The following XYLT1 variants were observed in gnomAD, a reference collection of about 807,000 sequenced individuals.
XYLT1 encodes the protein xylosyltransferase 1, also known as beta-D-xylosyltransferase 1.
XYLT1 carries 36 observed loss-of-function variants against 91.3 expected under a neutral mutation model. The ratio of observed to expected loss-of-function variants is 0.39; its 90% CI spans 0.30 to 0.52. The LOEUF is 0.52. Ranked by LOEUF, XYLT1 falls within the 20% of genes least tolerant of loss-of-function variation. The pLI, the probability that XYLT1 is intolerant of heterozygous loss-of-function variation, is 0.68. For synonymous variants in XYLT1, 588 were observed against 532.0 expected, an observed-to-expected ratio of 1.11 and a Z score of -1.45; for missense variants, 1,242 against 1,284.5, an observed-to-expected ratio of 0.97 and a Z score of 0.51.
intron 6 of XYLT1, among the ~76,000 whole-genome samples, chr16:17,154,090 G>GA (rs35759844): frequency 0.49 from 74,795 of 151,980 alleles, 19,349 homozygotes; most frequent in Non-Finnish European, 0.56. Context: ...GGTGAAATGA[G>GA]AAAATGTCCT....
chr16:17,303,909 G>A (rs1336919784), intron 2 of XYLT1, among the ~76,000 whole-genome samples: 1 of 151,986 alleles, frequency 6.6e-6, no homozygotes, highest in African/African-American at 2.4e-5. Flanking sequence ...TTATTAATTT[G>A]TATTTGTTAA....
rs567042547 is a variant in XYLT1 at position 17,414,809 on chromosome 16, G to A, written c.363+55625C>T. On this transcript the variant is annotated intron_variant, in intron 1 of 11. Transcript: ENST00000261381. The stretch of plus-strand genomic sequence containing the variant: ...CAGCCCCTCACCACCCTCAACTGCC[G>A]TTTGCTCAGTTATGGAACGGGGACC... 2.1e-4 allele frequency among the ~76,000 whole-genome samples: 32 copies of A among 152,180 alleles called. No homozygotes were observed. The South Asian group carries it at 5.6e-3, about 27-fold the overall frequency.
intron 3 of XYLT1, 28 bp downstream of exon 3, chr16:17,258,958 CCT>C (rs757201352): frequency 6.8e-7 from 1 of 1,480,980 alleles, no homozygotes; most frequent in Admixed American, 2.4e-5. Context: ...CCAGGAGATC[CCT>C]CTCTGAGCCA....
chr16:17,337,691 C>T (rs2035001257), intron 2 of XYLT1, among the ~76,000 whole-genome samples: 1 of 151,964 alleles, frequency 6.6e-6, no homozygotes, highest in African/African-American at 2.4e-5. Context: ...TCCGAGAATT[C>T]CTTCTTCTCT....
At chr16:17,293,251 G>A (rs77236218) in intron 2 of XYLT1, among the ~76,000 whole-genome samples, 10,228 of 152,094 alleles carry the variant, frequency 0.067, 440 homozygotes, top group South Asian at 0.13. Context: ...TGGCATCCCC[G>A]AGTTTACCTC....
At chr16:17,372,062 A>G (rs1395693742) in intron 1 of XYLT1, among the ~76,000 whole-genome samples, 1 of 152,122 alleles carries the variant, frequency 6.6e-6, no homozygotes, top group Non-Finnish European at 1.5e-5. Flanking sequence ...GGGGGAGGGG[A>G]GGCTAGCTTC....
intron 6 of XYLT1, among the ~76,000 whole-genome samples, chr16:17,153,212 A>G (rs1214644788): frequency 2.0e-5 from 3 of 152,160 alleles, no homozygotes; most frequent in Non-Finnish European, 4.4e-5. Flanking sequence ...CAACAACTCT[A>G]TGGGATTGGT....
chr16:17,279,972 G>A (rs2034032939), intron 2 of XYLT1, among the ~76,000 whole-genome samples: 1 of 152,148 alleles, frequency 6.6e-6, no homozygotes, highest in Non-Finnish European at 1.5e-5. Context: ...TCCTCTTTCT[G>A]TCCCTCTGTT....
intron 1 of XYLT1, among the ~76,000 whole-genome samples, chr16:17,360,344 A>T (rs1263950949): frequency 1.3e-5 from 2 of 152,156 alleles, no homozygotes; most frequent in Non-Finnish European, 2.9e-5. Flanking sequence ...GTCACAGGAA[A>T]TCTCTGTCAA....
intron 6 of XYLT1, 77 bp from the exon 7 acceptor site, chr16:17,141,446 C>T (rs1482265976): frequency 1.4e-6 from 2 of 1,423,498 alleles, no homozygotes; most frequent in Admixed American, 1.9e-5. Context: ...AATAAAACAA[C>T]ACAATCATAG....
rs1351243791 is a variant in XYLT1 at position 17,183,501 on chromosome 16, A to AATC, written c.1289+14708_1289+14710dup. ...CCGTGATGAAAGAAGCATGCATTTAAATCCTGGCTCCAACCCCCACCAGTT... is the reference window on the plus strand; with the variant it reads ...CCGTGATGAAAGAAGCATGCATTTAAATCATCCTGGCTCCAACCCCCACCAGTT... On this transcript the variant is annotated intron_variant, in intron 5 of 11. Transcript: ENST00000261381. 3.3e-5 allele frequency among the ~76,000 whole-genome samples: 5 copies of AATC among 152,250 alleles called. No individual in the cohort carries two copies. The East Asian group carries it at 9.7e-4, about 29-fold the overall frequency.
chr16:17,225,833 T>C (rs909113247), intron 3 of XYLT1, among the ~76,000 whole-genome samples: 12 of 152,218 alleles, frequency 7.9e-5, no homozygotes, highest in Admixed American at 5.9e-4. Flanking sequence ...CGACCAAAGT[T>C]CAAATTTCTT....
At chr16:17,206,407 C>T (rs890989819) in intron 3 of XYLT1, among the ~76,000 whole-genome samples, 2 of 151,876 alleles carry the variant, frequency 1.3e-5, no homozygotes, top group African/African-American at 2.4e-5. Context: ...TTAGAAAAGG[C>T]GGTGCTGTGT....
rs1176704432 is a variant in XYLT1 at position 17,147,338 on chromosome 16, A to G, written c.1371-5969T>C. Among the ~76,000 whole-genome samples the G allele has an allele frequency of 2.0e-5, 3 of 152,354 alleles. No homozygotes were observed. The East Asian group carries it at 5.8e-4, about 29-fold the overall frequency. On this transcript the variant is annotated intron_variant, in intron 6 of 11. Transcript: ENST00000261381. ...TTGTATTCAAACTTACATGGTTACCAGACTAACCATGAGAGACAGACAGAG... is the reference window on the plus strand; with the variant it reads ...TTGTATTCAAACTTACATGGTTACCGGACTAACCATGAGAGACAGACAGAG...
chr16:17,271,374 A>ACAGAGAGAGAGACACAGAGAGG (rs2033889374), intron 2 of XYLT1, among the ~76,000 whole-genome samples: 3 of 152,080 alleles, frequency 2.0e-5, no homozygotes, highest in Non-Finnish European at 4.4e-5. Flanking sequence ...ACACAGAGAG[A>ACAGAGAGAGAGACACAGAGAGG]CAAAGAGAGA....
chr16:17,140,088 C>A (rs1001041549), intron 7 of XYLT1, among the ~76,000 whole-genome samples: 2 of 152,154 alleles, frequency 1.3e-5, no homozygotes, highest in Non-Finnish European at 2.9e-5. Flanking sequence ...GTGCAATCAA[C>A]CTGGAGGTCA....
intron 3 of XYLT1, among the ~76,000 whole-genome samples, chr16:17,211,651 G>A (rs2032759604): frequency 6.6e-6 from 1 of 152,182 alleles, no homozygotes; most frequent in South Asian, 2.1e-4. Context: ...GAGCCAAGAG[G>A]TGGAGAAGAA....
rs1555495172 is a variant in XYLT1, at chr16:17,295,332, TTTTTG to T, written c.403-35839_403-35835del. On this transcript the variant is annotated intron_variant, in intron 2 of 11. Coordinates refer to ENST00000261381, the MANE Select transcript of XYLT1 (RefSeq NM_022166.4). ...ATCAATAAAGCATTATAGAGCCAGG[TTTTTG>T]TTTTGTTTTGTTTTGTTTTGTTTTG... Among the ~76,000 whole-genome samples the T allele has an allele frequency of 6.6e-3, 763 of 115,880 alleles. 17 individuals are homozygous for T. The South Asian group carries it at 0.081, about 12-fold the overall frequency. The allele number at this position is 115,880 out of a possible 152,430, so 76.0% of individuals were successfully genotyped here.
intron 5 of XYLT1, among the ~76,000 whole-genome samples, chr16:17,172,242 T>C (rs571081334): frequency 3.3e-5 from 5 of 152,118 alleles, no homozygotes; most frequent in Admixed American, 2.6e-4. Context: ...TTCTCTTTCC[T>C]TTTCCTTTGT....
Sources: gnomAD v4.1 joint callset for allele counts (sites outside exome capture counted in the v4.1 genomes callset) on GRCh38, gnomAD v4.1.1 for gene constraint, MANE v1.5 for transcripts, NCBI Gene and HGNC (gene_info 2026-07-23, HGNC 2026-07-21) for gene names.